RTN1: variants seen among roughly 807,000 people sequenced by gnomAD.
RTN1 encodes the protein reticulon 1.
Under a neutral mutation model 65.5 loss-of-function variants are expected in RTN1, and 25 were observed. The observed-to-expected ratio is 0.38, with a 90% CI of 0.28 to 0.53. The LOEUF (loss-of-function observed/expected upper bound fraction) is 0.53. Ranked by LOEUF, RTN1 falls within the 20% of genes least tolerant of loss-of-function variation. The probability of loss-of-function intolerance (pLI) is 0.79; values close to 1 mark genes in which losing one functional copy is unlikely to be tolerated. For synonymous variants in RTN1, 471 were observed against 447.6 expected, an observed-to-expected ratio of 1.05 and a Z score of -0.66; for missense variants, 983 against 1,025.4, an observed-to-expected ratio of 0.96 and a Z score of 0.57.
intron 1 of RTN1, among the ~76,000 whole-genome samples, chr14:59,768,510 G>C (rs1024286928): frequency 2.0e-5 from 3 of 152,098 alleles, no homozygotes; most frequent in African/African-American, 7.2e-5. Flanking sequence ...CCTGGCTCTT[G>C]ATCTGGTCGT....
intron 1 of RTN1, among the ~76,000 whole-genome samples, chr14:59,763,064 T>C (rs1885779780): frequency 6.6e-6 from 1 of 152,110 alleles, no homozygotes; most frequent in African/African-American, 2.4e-5. Context: ...TTGGGACAAA[T>C]AGCATAAACC....
chr14:59,854,364 C>G (rs1234249741), intron 1 of RTN1, among the ~76,000 whole-genome samples: 1 of 151,798 alleles, frequency 6.6e-6, no homozygotes, highest in Non-Finnish European at 1.5e-5. Flanking sequence ...ATGCTGTGGC[C>G]AGGCGCGGTG....
At chr14:59,823,844 T>G (rs1886985711) in intron 1 of RTN1, among the ~76,000 whole-genome samples, 1 of 152,234 alleles carries the variant, frequency 6.6e-6, no homozygotes, top group Non-Finnish European at 1.5e-5. Context: ...GTGGACAATA[T>G]CCTCAACTAT....
intron 3 of RTN1, among the ~76,000 whole-genome samples, chr14:59,645,204 C>A (rs1882864870): frequency 6.6e-6 from 1 of 151,984 alleles, no homozygotes; most frequent in Non-Finnish European, 1.5e-5. Context: ...CAGATCCATA[C>A]CTCCCTGGGA....
At chr14:59,646,476 C>A (rs1882898508) in intron 3 of RTN1, among the ~76,000 whole-genome samples, 1 of 152,124 alleles carries the variant, frequency 6.6e-6, no homozygotes, top group Admixed American at 6.5e-5. Flanking sequence ...CTGCAAGATT[C>A]TCCATAAGAA....
At chr14:59,683,547 G>T (rs1438040276) in intron 3 of RTN1, among the ~76,000 whole-genome samples, 2 of 151,888 alleles carry the variant, frequency 1.3e-5, no homozygotes, top group Non-Finnish European at 2.9e-5. Flanking sequence ...AGAATTAAAT[G>T]TCACAAATGA....
intron 1 of RTN1, among the ~76,000 whole-genome samples, chr14:59,867,468 T>G (rs1887819860): frequency 6.6e-6 from 1 of 152,212 alleles, no homozygotes; most frequent in Non-Finnish European, 1.5e-5. Flanking sequence ...GTTATTTTGA[T>G]GAGACTATTT....
At chr14:59,710,381 A>T (rs951153674) in intron 3 of RTN1, among the ~76,000 whole-genome samples, 3 of 152,178 alleles carry the variant, frequency 2.0e-5, no homozygotes, top group Non-Finnish European at 4.4e-5. Flanking sequence ...AGAGGAGAGG[A>T]GTCTGCAGCA....
intron 3 of RTN1, among the ~76,000 whole-genome samples, chr14:59,677,223 A>G (rs1034641427): frequency 2.6e-5 from 4 of 152,216 alleles, no homozygotes; most frequent in African/African-American, 9.7e-5. Context: ...GATGCAATAC[A>G]TTCACAGTGG....
chr14:59,722,796 CT>C lies in RTN1; in HGVS notation c.1765+4122del, dbSNP rs573634730. Among the ~76,000 whole-genome samples, 575 of 137,122 alleles carry C rather than the reference CT, an allele frequency of 4.2e-3. 2 individuals are homozygous for C. Among genetic ancestry groups the C allele is most frequent in the East Asian group, 0.021 (101 of 4,750 alleles). The allele number at this position is 137,122 out of a possible 152,430, so 90.0% of individuals were successfully genotyped here. On this transcript the variant is annotated intron_variant, in intron 3 of 8. Coordinates refer to ENST00000267484, the MANE Select transcript of RTN1 (RefSeq NM_021136.3). Reference sequence around the variant, plus strand: ...GGAGGGTTGAGTAGGGAACTTTTAACTTTTTTTTTTTTTTTTTGAGACAAGG... The same window carrying C: ...GGAGGGTTGAGTAGGGAACTTTTAACTTTTTTTTTTTTTTTTGAGACAAGG...
chr14:59,720,796 C>T (rs760367561), intron 3 of RTN1, among the ~76,000 whole-genome samples: 1 of 151,702 alleles, frequency 6.6e-6, no homozygotes, highest in Non-Finnish European at 1.5e-5. Context: ...ATAGCACATA[C>T]CAACACAGGA....
chr14:59,702,553 T>C (rs1884202138), intron 3 of RTN1, among the ~76,000 whole-genome samples: 1 of 152,336 alleles, frequency 6.6e-6, no homozygotes, highest in African/African-American at 2.4e-5. Context: ...GAGTCATCGC[T>C]GTTTCTTCTC....
chr14:59,792,663 T>C (rs933408008), intron 1 of RTN1, among the ~76,000 whole-genome samples: 43 of 152,272 alleles, frequency 2.8e-4, no homozygotes, highest in African/African-American at 9.6e-4. Flanking sequence ...CCAATTTCAT[T>C]GGAAATGCCA....
At chr14:59,788,095 T>A (rs1025791681) in intron 1 of RTN1, among the ~76,000 whole-genome samples, 1 of 152,216 alleles carries the variant, frequency 6.6e-6, no homozygotes. Context: ...ATTGTATGAA[T>A]GTACTTTGAT....
intron 3 of RTN1, among the ~76,000 whole-genome samples, chr14:59,643,174 C>T (rs1882814660): frequency 6.6e-6 from 1 of 152,016 alleles, no homozygotes; most frequent in African/African-American, 2.4e-5. Context: ...TTTGGGAGGC[C>T]AAAGTGGGAA....
At chr14:59,710,431 G>T (rs879695302) in intron 3 of RTN1, among the ~76,000 whole-genome samples, 28 of 152,324 alleles carry the variant, frequency 1.8e-4, no homozygotes, top group Admixed American at 3.9e-4. Context: ...TTAAAGAGAA[G>T]TTCCCCAAAT....
At chr14:59,613,921 GT>G (rs1401145331) in intron 3 of RTN1, among the ~76,000 whole-genome samples, 1 of 152,162 alleles carries the variant, frequency 6.6e-6, no homozygotes, top group African/African-American at 2.4e-5. Flanking sequence ...ATGGTTTTGA[GT>G]TTTGGGGGTA....
chr14:59,749,568 G>T (rs528712762), intron 1 of RTN1, among the ~76,000 whole-genome samples: 308 of 19,704 alleles, frequency 0.016, 10 homozygotes, highest in Admixed American at 0.02. Flanking sequence ...TCTATATATA[G>T]ATATATATAT....
At position 59,607,408 on chromosome 14, in the gene RTN1, T is replaced by C; in HGVS notation, c.1850A>G (p.Gln617Arg). 1 of 1,613,908 alleles carries C rather than the reference T, an allele frequency of 6.2e-7. No individual in the cohort carries two copies. The highest frequency in any genetic ancestry group is 8.5e-7 in the Non-Finnish European group (1 of 1,179,948). ...GGCCACGACGCTCACCACGCTGAACTGGGTCAGGGAGAAGAGCAGCAGCAG... is the reference window on the plus strand; with the variant it reads ...GGCCACGACGCTCACCACGCTGAACCGGGTCAGGGAGAAGAGCAGCAGCAG... The part of the protein sequence containing the change: ...SFLLLLFSLT[Q>R]FSVVSVVAYL... The change falls in exon 4 of 9, where the codon CAG becomes CGG. Residue 617 changes from glutamine (Q) to arginine (R), a missense_variant. Around this residue, in one of 2 missense-constraint regions of RTN1, gnomAD observed 165 missense variants for 223.6 expected, o/e 0.74. Transcript: ENST00000267484.
Sources: gnomAD v4.1 joint callset for allele counts (sites outside exome capture counted in the v4.1 genomes callset) on GRCh38, gnomAD v4.1.1 for gene constraint, gnomAD v4.1.1 regional missense constraint, MANE v1.5 for transcripts, NCBI Gene and HGNC (gene_info 2026-07-23, HGNC 2026-07-21) for gene names.